UMODL1: variants seen among roughly 807,000 people sequenced by gnomAD.
UMODL1 encodes the protein uromodulin-like 1.
Under a neutral mutation model 136.3 loss-of-function variants are expected in UMODL1, and 128 were observed. The ratio of observed to expected loss-of-function variants is 0.94; its 90% CI spans 0.81 to 1.09. The LOEUF (loss-of-function observed/expected upper bound fraction) is 1.09, where lower values mean the gene tolerates loss of function less well. UMODL1 is among the 50% of genes least tolerant of loss of function. The probability of loss-of-function intolerance (pLI) is 0.00; values close to 1 mark genes in which losing one functional copy is unlikely to be tolerated. For missense variants in UMODL1, 1,766 were observed against 1,725.6 expected, an observed-to-expected ratio of 1.02 and a Z score of -0.41; for synonymous variants, 721 against 720.0, an observed-to-expected ratio of 1.00 and a Z score of -0.02.
Position 42,137,437 on chromosome 21 carries a change from AGGT to A in UMODL1, c.3776_3778del (p.Gly1259del). On this transcript the variant is annotated splice_acceptor_variant and coding_sequence_variant, in exon 22 of 23. Transcript: ENST00000408910. LOFTEE classifies it high-confidence loss of function. Reference sequence around the variant, plus strand: ...CTCACCTGTGCCTGTCTCCTCCCCGAGGTGAGCCTCCTCATGCAGAAGCAGGCC... The same window carrying A: ...CTCACCTGTGCCTGTCTCCTCCCCGAGAGCCTCCTCATGCAGAAGCAGGCC... The A allele has an allele frequency of 6.2e-7, 1 of 1,614,062 alleles. No homozygotes were observed. Among genetic ancestry groups the A allele is most frequent in the Admixed American group, 1.7e-5 (1 of 60,034 alleles).
At chr21:42,073,790 G>A (rs766793807) in intron 1 of UMODL1, among the ~76,000 whole-genome samples, 1 of 151,304 alleles carries the variant, frequency 6.6e-6, no homozygotes, top group Non-Finnish European at 1.5e-5. Flanking sequence ...GATCATTTCT[G>A]CTCCCATCTC....
chr21:42,071,286 C>T (rs766380846), upstream of UMODL1: 2 of 1,512,758 alleles, frequency 1.3e-6, no homozygotes, highest in Admixed American at 2.2e-5. Flanking sequence ...GGTAGAGGCC[C>T]AGAGCCCTGT....
intron 21 of UMODL1, among the ~76,000 whole-genome samples, chr21:42,133,922 C>CGTTTT (rs2067168166): frequency 1.7e-5 from 1 of 58,310 alleles, no homozygotes; most frequent in Non-Finnish European, 4.4e-5. Flanking sequence ...TGTTTTGTTT[C>CGTTTT]GTTTTGTTTT....
chr21:42,103,678 C>T (rs1017789657), intron 8 of UMODL1, 190 bp from the exon 9 acceptor site: 1 of 741,062 alleles, frequency 1.3e-6, no homozygotes. Flanking sequence ...CCGGCCGTCC[C>T]AGGGAAAGCC....
chr21:42,065,401 T>C (rs2066174969), intron 1 of UMODL1, among the ~76,000 whole-genome samples: 1 of 152,214 alleles, frequency 6.6e-6, no homozygotes, highest in Admixed American at 6.5e-5. Flanking sequence ...AGAAGCACCG[T>C]GGTCTGACCC....
At chr21:42,105,931 C>G (rs950526506) in intron 9 of UMODL1, among the ~76,000 whole-genome samples, 1 of 152,230 alleles carries the variant, frequency 6.6e-6, no homozygotes, top group Non-Finnish European at 1.5e-5. Context: ...CCCCACTCCC[C>G]ACGCTGTTCA....
upstream of UMODL1, among the ~76,000 whole-genome samples, chr21:42,070,303 A>C (rs542047881): frequency 7.2e-5 from 11 of 152,354 alleles, 1 homozygote; most frequent in African/African-American, 2.4e-4. Flanking sequence ...AATGTTAAAA[A>C]TTGGGCTTCA....
intron 2 of UMODL1, among the ~76,000 whole-genome samples, chr21:42,080,452 A>C (rs537471060): frequency 1.1e-4 from 17 of 152,244 alleles, no homozygotes; most frequent in African/African-American, 3.6e-4. Context: ...ACAGTGGTAA[A>C]ATGCCAGACA....
At chr21:42,100,009 C>A (rs1463191820) in intron 7 of UMODL1, among the ~76,000 whole-genome samples, 1 of 152,170 alleles carries the variant, frequency 6.6e-6, no homozygotes, top group Non-Finnish European at 1.5e-5. Context: ...TGTGGCCCAT[C>A]TGGGTCTGTC....
intron 21 of UMODL1, among the ~76,000 whole-genome samples, chr21:42,132,043 G>A (rs2067140845): frequency 6.6e-6 from 1 of 152,102 alleles, no homozygotes; most frequent in African/African-American, 2.4e-5. Context: ...CTTGGACTTG[G>A]GACACCTGAA....
chr21:42,072,472 C>T (rs2066242268), intron 1 of UMODL1, among the ~76,000 whole-genome samples: 1 of 152,196 alleles, frequency 6.6e-6, no homozygotes, highest in Non-Finnish European at 1.5e-5. Flanking sequence ...CCCCACAGTT[C>T]AGATGCATAA....
chr21:42,087,342 C>T (rs868436551), intron 4 of UMODL1, among the ~76,000 whole-genome samples: 1 of 152,148 alleles, frequency 6.6e-6, no homozygotes, highest in South Asian at 2.1e-4. Flanking sequence ...CAGGAAGGGG[C>T]TTCAAGTGTG....
intron 22 of UMODL1, 105 bp from the exon 23 acceptor site, chr21:42,141,991 C>G (rs2067288652): frequency 6.6e-6 from 1 of 152,266 alleles, no homozygotes; most frequent in Non-Finnish European, 1.5e-5. Flanking sequence ...GACGCCATGT[C>G]CTCGGGTTGG....
chr21:42,077,837 G>A (rs999578674), intron 2 of UMODL1, among the ~76,000 whole-genome samples: 9 of 152,190 alleles, frequency 5.9e-5, no homozygotes, highest in Non-Finnish European at 1.3e-4. Context: ...CAGGACAACA[G>A]CAGAATGGAG....
chr21:42,103,648 C>T (rs535833816), intron 8 of UMODL1: 20 of 679,654 alleles, frequency 2.9e-5, no homozygotes, highest in South Asian at 2.7e-4. Flanking sequence ...TGTGAGTCCC[C>T]AGCACACACC....
intron 14 of UMODL1, among the ~76,000 whole-genome samples, chr21:42,116,540 ACTT>A (rs2066904736): frequency 6.6e-6 from 1 of 151,926 alleles, no homozygotes. Flanking sequence ...CTGCATCCTT[ACTT>A]CACACTTCAC....
intron 1 of UMODL1, among the ~76,000 whole-genome samples, chr21:42,063,854 C>T (rs982620593): frequency 7.9e-5 from 12 of 152,196 alleles, no homozygotes; most frequent in Non-Finnish European, 1.6e-4. Flanking sequence ...ACCAGCCTCC[C>T]ATGGGTGGAG....
intron 17 of UMODL1, 50 bp from the exon 18 acceptor site, chr21:42,126,295 G>A (rs769016788): frequency 1.9e-6 from 3 of 1,608,618 alleles, no homozygotes; most frequent in Admixed American, 1.7e-5. Context: ...AGCAGGGCGT[G>A]GGGGGCCGGC....
intron 13 of UMODL1, 61 bp downstream of exon 13, chr21:42,113,891 G>T: frequency 6.4e-7 from 1 of 1,567,744 alleles, no homozygotes; most frequent in Non-Finnish European, 8.7e-7. Context: ...GACTTTCTGT[G>T]GGTTAAGGCT....
Sources: allele counts gnomAD v4.1 joint callset (sites outside exome capture counted in the v4.1 genomes callset), GRCh38; gene constraint gnomAD v4.1.1; transcripts MANE v1.5; gene names NCBI Gene and HGNC (gene_info 2026-07-23, HGNC 2026-07-21).